Variants in PDE7A observed in about 807,000 individuals in gnomAD.
PDE7A encodes the protein high affinity 3',5'-cyclic-AMP phosphodiesterase 7A.
Under a neutral mutation model 64.3 loss-of-function variants are expected in PDE7A, and 39 were observed. That is an observed-to-expected ratio of 0.61 (90% CI 0.47 to 0.79). PDE7A has a LOEUF of 0.79. PDE7A is among the 30% of genes least tolerant of loss of function. PDE7A has a pLI of 0.00. For missense variants in PDE7A, 470 were observed against 582.8 expected, an observed-to-expected ratio of 0.81 and a Z score of 1.99; for synonymous variants, 203 against 206.8, an observed-to-expected ratio of 0.98 and a Z score of 0.16.
chr8:65,729,287 C>T (rs569219186), intron 7 of PDE7A, among the ~76,000 whole-genome samples: 16 of 149,168 alleles, frequency 1.1e-4, no homozygotes, highest in Non-Finnish European at 2.1e-4. Context: ...CAGTGAAAAG[C>T]TTACTGTTTT....
chr8:65,796,014 TCA>T (rs1809832852), intron 1 of PDE7A, among the ~76,000 whole-genome samples: 1 of 150,956 alleles, frequency 6.6e-6, no homozygotes, highest in Admixed American at 6.6e-5. Context: ...GCTAAGAAAT[TCA>T]CAGTTGGGCT....
intron 3 of PDE7A, among the ~76,000 whole-genome samples, chr8:65,751,481 T>G (rs1807952862): frequency 6.6e-6 from 1 of 152,154 alleles, no homozygotes; most frequent in South Asian, 2.1e-4. Context: ...TGAGGTTTTT[T>G]TTTTTCTTTT....
chr8:65,769,283 GCA>G (rs1270283442), intron 3 of PDE7A, among the ~76,000 whole-genome samples: 1 of 148,416 alleles, frequency 6.7e-6, no homozygotes, highest in African/African-American at 2.5e-5. Context: ...ACAGATGCAT[GCA>G]CATATTTTTT....
At chr8:65,777,864 C>T (rs973906046) in intron 3 of PDE7A, among the ~76,000 whole-genome samples, 2 of 152,104 alleles carry the variant, frequency 1.3e-5, no homozygotes, top group Non-Finnish European at 2.9e-5. Flanking sequence ...TACTCTGGTA[C>T]ACTTAGGTGT....
intron 1 of PDE7A, among the ~76,000 whole-genome samples, chr8:65,801,687 C>A (rs1809991153): frequency 6.6e-6 from 1 of 151,958 alleles, no homozygotes; most frequent in Admixed American, 6.6e-5. Flanking sequence ...AATTTGATAA[C>A]CATCAGCTAG....
intron 5 of PDE7A, among the ~76,000 whole-genome samples, chr8:65,743,125 T>C (rs1243033965): frequency 1.3e-5 from 2 of 151,702 alleles, no homozygotes; most frequent in African/African-American, 4.9e-5. Flanking sequence ...GGCTATGAGC[T>C]GTGAGAGTTT....
chr8:65,812,903 G>T (rs1020398702), intron 1 of PDE7A, among the ~76,000 whole-genome samples: 5 of 152,028 alleles, frequency 3.3e-5, no homozygotes, highest in African/African-American at 1.2e-4. Flanking sequence ...AGAAACAACA[G>T]ATACCCGCAC....
intron 1 of PDE7A, among the ~76,000 whole-genome samples, chr8:65,793,571 C>T (rs1360982973): frequency 1.3e-5 from 2 of 151,178 alleles, no homozygotes; most frequent in South Asian, 2.1e-4. Context: ...AGATCAGGTA[C>T]GTTTCCAAAT....
At chr8:65,736,367 G>T (rs1021952188) in intron 6 of PDE7A, among the ~76,000 whole-genome samples, 2 of 152,132 alleles carry the variant, frequency 1.3e-5, no homozygotes, top group Non-Finnish European at 2.9e-5. Flanking sequence ...AGTTGACCAT[G>T]GGTAACTGAA....
At chr8:65,805,535 T>A (rs1810089392) in intron 1 of PDE7A, among the ~76,000 whole-genome samples, 1 of 152,222 alleles carries the variant, frequency 6.6e-6, no homozygotes, top group African/African-American at 2.4e-5. Flanking sequence ...CTCTAAGATT[T>A]CCAGTTTATC....
intron 3 of PDE7A, among the ~76,000 whole-genome samples, chr8:65,766,001 A>G (rs2128917423): frequency 6.6e-6 from 1 of 152,346 alleles, no homozygotes; most frequent in East Asian, 1.9e-4. Flanking sequence ...GCTGGAGTGC[A>G]GTGGCACTAT....
At chr8:65,835,370 A>C (rs1810925712) in intron 1 of PDE7A, among the ~76,000 whole-genome samples, 1 of 152,250 alleles carries the variant, frequency 6.6e-6, no homozygotes, top group Non-Finnish European at 1.5e-5. Flanking sequence ...AAAACAAAGA[A>C]AAGTAAATTC....
intron 3 of PDE7A, among the ~76,000 whole-genome samples, chr8:65,758,724 C>A (rs1427493531): frequency 1.3e-5 from 2 of 152,218 alleles, no homozygotes; most frequent in African/African-American, 4.8e-5. Flanking sequence ...ACAGTATGTT[C>A]CTTTGTCTGA....
chr8:65,715,379 GTTT>G lies in PDE7A; in HGVS notation c.*3908_*3910del, dbSNP rs869132666. ...AGAGAGACCCTGTCTCTATAAAAAA[GTTT>G]TTTTTTTTTTTTTGAGACAGAGTCT... On this transcript the variant is annotated 3_prime_UTR_variant, in exon 13 of 13. Coordinates refer to ENST00000401827, the MANE Select transcript of PDE7A (RefSeq NM_001242318.3). Among the ~76,000 whole-genome samples the G allele has an allele frequency of 2.2e-5, 3 of 133,364 alleles. No homozygotes were observed. The highest frequency in any genetic ancestry group is 2.7e-5 in the African/African-American group (1 of 36,690). The allele number at this position is 133,364 out of a possible 152,430, so 87.5% of individuals were successfully genotyped here. A position where few individuals can be genotyped will look rare whatever the true frequency, so the allele number is the denominator to read the frequency against.
intron 5 of PDE7A, among the ~76,000 whole-genome samples, chr8:65,740,545 C>A (rs745600807): frequency 2.8e-4 from 43 of 152,196 alleles, no homozygotes; most frequent in Non-Finnish European, 4.9e-4. Flanking sequence ...GGAGTACAGG[C>A]ACCCGCCACC....
chr8:65,815,209 TGATA>T (rs1485235563), intron 1 of PDE7A, among the ~76,000 whole-genome samples: 17 of 152,216 alleles, frequency 1.1e-4, no homozygotes, highest in African/African-American at 3.9e-4. Flanking sequence ...TACATAGTAA[TGATA>T]GATAATCTAT....
Position 65,719,125 on chromosome 8 carries a change from T to G in PDE7A, c.*165A>C. ...ATGTTCGGGTCTTGCAATTAACAAG[T>G]GGGTTCAAATGATCCAACAGAGGAA... On this transcript the variant is annotated 3_prime_UTR_variant, in exon 13 of 13. Coordinates refer to ENST00000401827, the MANE Select transcript of PDE7A (RefSeq NM_001242318.3). 1 of 606,434 alleles carries G rather than the reference T, an allele frequency of 1.6e-6. No individual in the cohort carries two copies. Among genetic ancestry groups the G allele is most frequent in the East Asian group, 2.8e-5 (1 of 36,362 alleles). 37.6% of individuals were successfully genotyped at this position (606,434 alleles called of 1,614,324 possible). A position where few individuals can be genotyped will look rare whatever the true frequency, so the allele number is the denominator to read the frequency against.
At chr8:65,827,119 A>G (rs1810697133) in intron 1 of PDE7A, among the ~76,000 whole-genome samples, 1 of 152,176 alleles carries the variant, frequency 6.6e-6, no homozygotes, top group African/African-American at 2.4e-5. Flanking sequence ...TTGTTGGTAA[A>G]CACTATTCAA....
intron 6 of PDE7A, among the ~76,000 whole-genome samples, chr8:65,735,128 T>C (rs1303517681): frequency 6.6e-6 from 1 of 152,114 alleles, no homozygotes; most frequent in Admixed American, 6.5e-5. Context: ...GGGGTGGAGC[T>C]GTGCCCCCTG....
Sources: gnomAD v4.1 joint callset for allele counts (sites outside exome capture counted in the v4.1 genomes callset) on GRCh38, gnomAD v4.1.1 for gene constraint, MANE v1.5 for transcripts, NCBI Gene and HGNC (gene_info 2026-07-23, HGNC 2026-07-21) for gene names.